The following LINGO2 variants were observed in gnomAD, a reference collection of about 807,000 sequenced individuals.
The protein encoded by LINGO2 is leucine rich repeat and Ig domain containing 2.
In LINGO2, 14 loss-of-function variants were observed where a neutral mutation model predicts 30.6. The ratio of observed to expected loss-of-function variants is 0.46; its 90% CI spans 0.30 to 0.72. The LOEUF (loss-of-function observed/expected upper bound fraction) is 0.72. Ranked by LOEUF, LINGO2 falls within the 30% of genes least tolerant of loss-of-function variation. LINGO2 has a pLI of 0.07. For synonymous variants in LINGO2, 317 were observed against 288.5 expected, an observed-to-expected ratio of 1.10 and a Z score of -1.00; for missense variants, 729 against 751.7, an observed-to-expected ratio of 0.97 and a Z score of 0.35.
intron 1 of LINGO2, among the ~76,000 whole-genome samples, chr9:28,663,139 C>T (rs1010527813): frequency 6.6e-6 from 1 of 152,076 alleles, no homozygotes; most frequent in South Asian, 2.1e-4. Context: ...GTAGATGCTG[C>T]TGCTAACATA....
chr9:28,263,884 T>G lies in LINGO2; in HGVS notation c.-87+31324A>C, dbSNP rs1489505020. ...TGATATCACTCTTTTATAGGCATTT[T>G]CAGTATGACTGGATTGACATTGCAA... On this transcript the variant is annotated intron_variant, in intron 4 of 5. Coordinates refer to ENST00000379992, the Ensembl canonical transcript of LINGO2. Among the ~76,000 whole-genome samples, 3 of 152,030 alleles carry G rather than the reference T, an allele frequency of 2.0e-5. No homozygotes were observed. In the East Asian group the frequency reaches 5.8e-4, roughly 29 times the overall value.
chr9:28,253,266 G>T (rs1822268242), intron 4 of LINGO2, among the ~76,000 whole-genome samples: 1 of 152,072 alleles, frequency 6.6e-6, no homozygotes, highest in Non-Finnish European at 1.5e-5. Flanking sequence ...ATTGACAGGT[G>T]CCCAATGGGA....
chr9:28,681,230 G>A, the LINGO2 span, among the ~76,000 whole-genome samples: 1 of 151,910 alleles, frequency 6.6e-6, no homozygotes, highest in Non-Finnish European at 1.5e-5. Context: ...GTTCCAGTTA[G>A]TAGCCTGGAA....
the LINGO2 span, among the ~76,000 whole-genome samples, chr9:29,130,874 T>G: frequency 6.6e-6 from 1 of 152,002 alleles, no homozygotes; most frequent in Non-Finnish European, 1.5e-5. Context: ...GTTAGATAGT[T>G]GGACACATCT....
chr9:28,007,904 C>G (rs1287452008), intron 5 of LINGO2, among the ~76,000 whole-genome samples: 3 of 152,142 alleles, frequency 2.0e-5, no homozygotes, highest in Non-Finnish European at 4.4e-5. Context: ...CGGTGTCACT[C>G]AAACAAGCCT....
chr9:28,619,393 T>C (rs1022357746), intron 1 of LINGO2, among the ~76,000 whole-genome samples: 10 of 152,160 alleles, frequency 6.6e-5, no homozygotes, highest in South Asian at 2.1e-4. Flanking sequence ...ACGTTATTTC[T>C]ACCACTTGCT....
At chr9:29,165,335 C>T in the LINGO2 span, among the ~76,000 whole-genome samples, 58 of 151,974 alleles carry the variant, frequency 3.8e-4, no homozygotes, top group Non-Finnish European at 7.5e-4. Context: ...ACTCAAAGCA[C>T]TGGAGATACG....
intron 4 of LINGO2, among the ~76,000 whole-genome samples, chr9:28,105,820 A>C (rs1826573084): frequency 6.6e-6 from 1 of 152,052 alleles, no homozygotes; most frequent in Non-Finnish European, 1.5e-5. Flanking sequence ...CCAGGAGGAG[A>C]GCCCTCACAA....
At chr9:28,019,613 G>A (rs964486520) in intron 4 of LINGO2, among the ~76,000 whole-genome samples, 1 of 151,800 alleles carries the variant, frequency 6.6e-6, no homozygotes, top group Admixed American at 6.6e-5. Flanking sequence ...AATTGAGCAG[G>A]GCTTATCTTT....
the LINGO2 span, among the ~76,000 whole-genome samples, chr9:29,181,656 T>C: frequency 5.3e-5 from 8 of 152,134 alleles, no homozygotes; most frequent in Admixed American, 2.6e-4. Context: ...TAAACTGATG[T>C]ACTAGGAAAC....
At chr9:29,080,558 C>G in the LINGO2 span, among the ~76,000 whole-genome samples, 1 of 152,042 alleles carries the variant, frequency 6.6e-6, no homozygotes, top group Admixed American at 6.6e-5. Flanking sequence ...TTAGATCTTT[C>G]CTGCTTTCTC....
At chr9:28,641,652 G>T (rs1260131179) in intron 1 of LINGO2, among the ~76,000 whole-genome samples, 2 of 152,090 alleles carry the variant, frequency 1.3e-5, no homozygotes, top group African/African-American at 4.8e-5. Context: ...CAATATCATG[G>T]AGATTTTTCA....
the LINGO2 span, among the ~76,000 whole-genome samples, chr9:28,687,856 C>A: frequency 6.6e-6 from 1 of 151,970 alleles, no homozygotes; most frequent in African/African-American, 2.4e-5. Context: ...CACGGCTATA[C>A]AGTAACATAG....
the LINGO2 span, among the ~76,000 whole-genome samples, chr9:28,680,835 G>T: frequency 3.3e-5 from 5 of 151,976 alleles, no homozygotes; most frequent in African/African-American, 4.8e-5. Context: ...TCCTGCTATT[G>T]AGTTTTGTGA....
intron 2 of LINGO2, among the ~76,000 whole-genome samples, chr9:28,449,381 CT>C (rs796478040): frequency 5.9e-5 from 9 of 151,930 alleles, no homozygotes; most frequent in Non-Finnish European, 1.0e-4. Flanking sequence ...AAGTGCATTT[CT>C]TTTTTTTAAA....
chr9:28,454,090 T>C (rs946767844), intron 2 of LINGO2, among the ~76,000 whole-genome samples: 2 of 151,964 alleles, frequency 1.3e-5, no homozygotes, highest in African/African-American at 4.8e-5. Context: ...TCACTGTAAA[T>C]AGAGAACAAC....
the LINGO2 span, among the ~76,000 whole-genome samples, chr9:28,758,502 C>T: frequency 4.6e-5 from 7 of 152,012 alleles, no homozygotes; most frequent in Non-Finnish European, 8.8e-5. Context: ...TGTTACTAAA[C>T]CAATACAGTG....
chr9:29,123,268 C>A, the LINGO2 span, among the ~76,000 whole-genome samples: 1 of 151,898 alleles, frequency 6.6e-6, no homozygotes, highest in Admixed American at 6.6e-5. Flanking sequence ...GACATCCCAG[C>A]AAGATAAGTA....
chr9:29,057,570 T>C, the LINGO2 span, among the ~76,000 whole-genome samples: 46 of 152,108 alleles, frequency 3.0e-4, no homozygotes, highest in Admixed American at 1.3e-3. Flanking sequence ...GATTTTACTA[T>C]GTGAGGAGAC....
Sources: allele counts gnomAD v4.1 joint callset (sites outside exome capture counted in the v4.1 genomes callset), GRCh38; gene constraint gnomAD v4.1.1; transcripts MANE v1.5; gene names NCBI Gene and HGNC (gene_info 2026-07-23, HGNC 2026-07-21).